Variants in ZNF618 observed in about 807,000 individuals in gnomAD.
ZNF618 encodes the protein zinc finger protein 618.
In ZNF618, 34 loss-of-function variants were observed where a neutral mutation model predicts 103.0. The observed-to-expected ratio is 0.33, with a 90% confidence interval of 0.25 to 0.44. The LOEUF (loss-of-function observed/expected upper bound fraction) is 0.44, where lower values mean the gene tolerates loss of function less well. Among genes scored for constraint, ZNF618 ranks in the 20% least tolerant of loss-of-function variants. The pLI, the probability that ZNF618 is intolerant of heterozygous loss-of-function variation, is 1.00. For missense variants in ZNF618, 1,059 were observed against 1,295.4 expected (o/e 0.82, Z 2.80); for synonymous variants, 551 against 542.2 (o/e 1.02, Z -0.23).
chr9:113,945,837 T>C (rs1390967515), intron 1 of ZNF618, among the ~76,000 whole-genome samples: 1 of 152,198 alleles, frequency 6.6e-6, no homozygotes, highest in Admixed American at 6.5e-5. Flanking sequence ...AGTTTAAAAA[T>C]GTCTCGTAAA....
intron 11 of ZNF618, 96 bp from the exon 12 acceptor site, chr9:114,032,549 G>C: frequency 6.2e-6 from 7 of 1,131,412 alleles, no homozygotes; most frequent in South Asian, 1.3e-5. Context: ...AGTTGGCCCA[G>C]CAGAGTCCTT....
At chr9:113,949,557 G>T (rs1216614647) in intron 1 of ZNF618, among the ~76,000 whole-genome samples, 3 of 152,172 alleles carry the variant, frequency 2.0e-5, no homozygotes, top group Non-Finnish European at 4.4e-5. Context: ...TTCCCTGGAG[G>T]AGAATGTTCC....
At chr9:113,922,745 A>G (rs1217181827) in intron 1 of ZNF618, among the ~76,000 whole-genome samples, 2 of 151,516 alleles carry the variant, frequency 1.3e-5, no homozygotes, top group African/African-American at 4.8e-5. Flanking sequence ...CAATCCTCCA[A>G]CTTTATTGTT....
chr9:113,891,660 A>G (rs1263355371), intron 1 of ZNF618, among the ~76,000 whole-genome samples: 1 of 152,204 alleles, frequency 6.6e-6, no homozygotes, highest in Non-Finnish European at 1.5e-5. Context: ...TTTTCCACCC[A>G]TGTTTATTGC....
intron 11 of ZNF618, 66 bp from the exon 12 acceptor site, chr9:114,032,579 C>T (rs1844180098): frequency 1.3e-6 from 2 of 1,487,224 alleles, no homozygotes; most frequent in Non-Finnish European, 1.9e-6. Flanking sequence ...CCAGCCTACC[C>T]CTCCCTTGAG....
chr9:114,031,765 C>T (rs986968734), intron 11 of ZNF618, among the ~76,000 whole-genome samples: 27 of 152,174 alleles, frequency 1.8e-4, no homozygotes, highest in Admixed American at 9.2e-4. Context: ...AAGAAATGCA[C>T]TGGGTCAGCT....
At chr9:113,955,070 C>T (rs1185297956) in intron 1 of ZNF618, among the ~76,000 whole-genome samples, 1 of 151,968 alleles carries the variant, frequency 6.6e-6, no homozygotes, top group Non-Finnish European at 1.5e-5. Flanking sequence ...TGTTTGCCTT[C>T]TCTATTCACT....
In ZNF618 at chr9:113,908,381, T is replaced by C. The variant is rs569202670; in HGVS notation, c.33+31968T>C. 1.1e-4 allele frequency among the ~76,000 whole-genome samples: 17 copies of C among 152,296 alleles called. 1 individual carries two copies. The highest frequency in any genetic ancestry group is 4.1e-4 in the African/African-American group (17 of 41,568). On this transcript the variant is annotated intron_variant, in intron 1 of 14. Transcript: ENST00000374126. ...AGGAGGGAGGACCATATTATGACTTTTGTGGGCCTTAGGCACTTTTGTCTT... is the reference window on the plus strand; with the variant it reads ...AGGAGGGAGGACCATATTATGACTTCTGTGGGCCTTAGGCACTTTTGTCTT...
intron 1 of ZNF618, among the ~76,000 whole-genome samples, chr9:113,928,808 T>C (rs1452797060): frequency 6.6e-6 from 1 of 152,172 alleles, no homozygotes; most frequent in Non-Finnish European, 1.5e-5. Context: ...ACTCTCATGA[T>C]TCAATCTCAA....
At chr9:113,981,521 T>A (rs1281199629) in intron 2 of ZNF618, among the ~76,000 whole-genome samples, 1 of 152,192 alleles carries the variant, frequency 6.6e-6, no homozygotes, top group Non-Finnish European at 1.5e-5. Flanking sequence ...TGAGCATTGC[T>A]CACGTCTACT....
At chr9:113,992,552 G>A (rs1840176670) in intron 3 of ZNF618, among the ~76,000 whole-genome samples, 1 of 152,132 alleles carries the variant, frequency 6.6e-6, no homozygotes, top group Non-Finnish European at 1.5e-5. Flanking sequence ...ACTTGGCGGG[G>A]AGTGCTGGGT....
At chr9:113,943,176 GAC>G (rs1188089359) in intron 1 of ZNF618, among the ~76,000 whole-genome samples, 1 of 152,200 alleles carries the variant, frequency 6.6e-6, no homozygotes, top group Non-Finnish European at 1.5e-5. Flanking sequence ...GCACTGGTAA[GAC>G]AAGCAGGATG....
At chr9:113,892,067 C>T (rs1057057266) in intron 1 of ZNF618, among the ~76,000 whole-genome samples, 1 of 152,072 alleles carries the variant, frequency 6.6e-6, no homozygotes, top group African/African-American at 2.4e-5. Context: ...GCAGCTGGTG[C>T]AAGGACAATG....
chr9:114,028,902 C>G lies in ZNF618; in HGVS notation c.1014C>G (p.Thr338=), dbSNP rs1349892332. 7 of 1,550,408 alleles carry G rather than the reference C, an allele frequency of 4.5e-6. No homozygotes were observed. The highest frequency in any genetic ancestry group is 6.1e-6 in the Non-Finnish European group (7 of 1,146,784). The change falls in exon 11 of 15, where the codon ACC becomes ACG. Residue 338 remains threonine, a synonymous_variant. Transcript: ENST00000374126. Reference sequence around the variant, plus strand: ...GATGTGCCACCCTCTTACACCGCACCCCTCCAGCCACCCAAACCCAGACGT... The same window carrying G: ...GATGTGCCACCCTCTTACACCGCACGCCTCCAGCCACCCAAACCCAGACGT... ...VVRCATLLHR[T]PPATQTQTFR...
chr9:113,950,534 AGCC>A (rs771499449), intron 1 of ZNF618, among the ~76,000 whole-genome samples: 3 of 152,222 alleles, frequency 2.0e-5, no homozygotes, highest in Non-Finnish European at 4.4e-5. Context: ...GTTTGAGCCC[AGCC>A]AGGCTTATGT....
intron 12 of ZNF618, among the ~76,000 whole-genome samples, chr9:114,034,814 C>A (rs1275477029): frequency 2.0e-5 from 3 of 152,190 alleles, no homozygotes; most frequent in African/African-American, 7.2e-5. Context: ...ACCAAACATC[C>A]CCACCCTGGT....
intron 1 of ZNF618, among the ~76,000 whole-genome samples, chr9:113,896,322 T>A (rs1446750090): frequency 2.6e-5 from 4 of 152,074 alleles, no homozygotes; most frequent in Non-Finnish European, 5.9e-5. Flanking sequence ...TCTGAGTACA[T>A]CTTTGGTCAC....
At chr9:114,021,342 C>T (rs1843050945) in intron 10 of ZNF618, among the ~76,000 whole-genome samples, 2 of 152,030 alleles carry the variant, frequency 1.3e-5, no homozygotes, top group African/African-American at 2.4e-5. Flanking sequence ...AATTACTTAA[C>T]GATCCAAGGT....
In ZNF618 at chr9:114,002,081, G is replaced by C; in HGVS notation, c.511+8G>C. On this transcript the variant is annotated splice_region_variant and intron_variant, in intron 5 of 14. Coordinates refer to ENST00000374126, the MANE Select transcript of ZNF618 (RefSeq NM_001318042.2). The stretch of plus-strand genomic sequence containing the variant: ...ACGTGCGGGCGCACCGAGGTGAGAG[G>C]AGTGTCCCTGGGGCAGAGCCCAGGG... 6.2e-7 allele frequency: 1 copy of C among 1,611,806 alleles called. No individual in the cohort carries two copies.
Sources: gnomAD v4.1 joint callset for allele counts (sites outside exome capture counted in the v4.1 genomes callset) on GRCh38, gnomAD v4.1.1 for gene constraint, MANE v1.5 for transcripts, NCBI Gene and HGNC (gene_info 2026-07-23, HGNC 2026-07-21) for gene names.